Variants in PGBD2 observed in about 807,000 individuals in gnomAD.
PGBD2 encodes piggyBac transposable element derived 2.
Under a neutral mutation model 8.1 loss-of-function variants are expected in PGBD2, and 6 were observed. The observed-to-expected ratio is 0.74, with a 90% CI of 0.40 to 1.46. PGBD2 has a LOEUF of 1.46. Among genes scored for constraint, PGBD2 ranks in the 40% most tolerant of loss-of-function variants. The probability of loss-of-function intolerance (pLI) is 0.02; values close to 1 mark genes in which losing one functional copy is unlikely to be tolerated. For synonymous variants in PGBD2, 318 were observed against 272.2 expected, an observed-to-expected ratio of 1.17 and a Z score of -1.66; for missense variants, 802 against 739.0, an observed-to-expected ratio of 1.09 and a Z score of -0.99.
At chr1:248,878,791 C>T in the PGBD2 span, among the ~76,000 whole-genome samples, 2 of 152,184 alleles carry the variant, frequency 1.3e-5, no homozygotes, top group African/African-American at 4.8e-5. Flanking sequence ...TAGTACACTG[C>T]CCAATTTTCT....
At chr1:248,886,647 C>T in the PGBD2 span, among the ~76,000 whole-genome samples, 1 of 152,214 alleles carries the variant, frequency 6.6e-6, no homozygotes, top group South Asian at 2.1e-4. Context: ...TCATCCTGGA[C>T]TCTTGCCATT....
chr1:248,907,907 CA>C (rs1320354938), intron 1 of PGBD2, among the ~76,000 whole-genome samples: 1 of 152,186 alleles, frequency 6.6e-6, no homozygotes, highest in African/African-American at 2.4e-5. Flanking sequence ...CTTTTCCCTA[CA>C]GTTAGGCACC....
chr1:248,927,955 A>G, the PGBD2 span, among the ~76,000 whole-genome samples: 2 of 152,090 alleles, frequency 1.3e-5, no homozygotes, highest in Non-Finnish European at 2.9e-5. Flanking sequence ...AGGCTGGGAA[A>G]CTCACAGTTG....
intron 1 of PGBD2, among the ~76,000 whole-genome samples, chr1:248,909,424 T>C (rs1661783467): frequency 6.6e-6 from 1 of 152,184 alleles, no homozygotes; most frequent in African/African-American, 2.4e-5. Context: ...ATCAAGAGCT[T>C]CTGGTTCTTT....
rs1662227656 is a variant in PGBD2, at chr1:248,919,112, T to G, written c.*749T>G. On this transcript the variant is annotated 3_prime_UTR_variant, in exon 3 of 3. Transcript: ENST00000329291. ...AACAATCCAATTATACTGTTAGTTA[T>G]TTTAAAATGTGCAATTAAATTATTT... 6.0e-6 allele frequency: 1 copy of G among 167,054 alleles called. No individual in the cohort carries two copies. 10.3% of individuals were successfully genotyped at this position (167,054 alleles called of 1,614,324 possible).
Position 248,913,827 on chromosome 1 carries a change from C to T in PGBD2, c.-36C>T. 2 of 1,580,422 alleles carry T rather than the reference C, an allele frequency of 1.3e-6. No homozygotes were observed. Among genetic ancestry groups the T allele is most frequent in the Non-Finnish European group, 8.7e-7 (1 of 1,149,362 alleles). On this transcript the variant is annotated 5_prime_UTR_variant, in exon 2 of 3. Coordinates refer to ENST00000329291, the MANE Select transcript of PGBD2 (RefSeq NM_170725.3). ...TTCTTGTCTTACAGGTTCTTAGACTCTGTGAGTAAAGACAGCTTCATCTTC... is the reference window on the plus strand; with the variant it reads ...TTCTTGTCTTACAGGTTCTTAGACTTTGTGAGTAAAGACAGCTTCATCTTC...
intron 2 of PGBD2, among the ~76,000 whole-genome samples, chr1:248,914,749 C>G (rs1460353937): frequency 6.6e-6 from 1 of 152,180 alleles, no homozygotes; most frequent in African/African-American, 2.4e-5. Context: ...TCCTCACTAC[C>G]CTGTTCCATG....
At chr1:248,914,520 G>C (rs762114296) in intron 2 of PGBD2, 22 of 1,289,154 alleles carry the variant, frequency 1.7e-5, no homozygotes, top group Non-Finnish European at 2.0e-5. Flanking sequence ...AGGTTGGAGT[G>C]AATTTCTAAT....
the PGBD2 span, among the ~76,000 whole-genome samples, chr1:248,882,479 A>G: frequency 6.6e-6 from 1 of 152,230 alleles, no homozygotes; most frequent in South Asian, 2.1e-4. Context: ...TTGCAGGAAA[A>G]GCTGGTTACA....
chr1:248,881,052 C>G, the PGBD2 span, among the ~76,000 whole-genome samples: 2 of 152,136 alleles, frequency 1.3e-5, no homozygotes, highest in Non-Finnish European at 2.9e-5. Flanking sequence ...AGCAGTGAGC[C>G]AAAGCCATGG....
chr1:248,889,360 G>A, the PGBD2 span, among the ~76,000 whole-genome samples: 25 of 152,216 alleles, frequency 1.6e-4, no homozygotes, highest in African/African-American at 6.0e-4. Flanking sequence ...ACTCCAGCCT[G>A]GGTGACGGAG....
At chr1:248,895,520 ATCTTAATGATATT>A in the PGBD2 span, among the ~76,000 whole-genome samples, 2 of 152,092 alleles carry the variant, frequency 1.3e-5, no homozygotes, top group African/African-American at 4.8e-5. Context: ...GGAATTAAAT[ATCTTAATGATATT>A]TAAGGCTTGC....
At chr1:248,878,631 A>G in the PGBD2 span, among the ~76,000 whole-genome samples, 107 of 152,310 alleles carry the variant, frequency 7.0e-4, 2 homozygotes, top group African/African-American at 2.5e-3. Flanking sequence ...TCTTTTCGGT[A>G]GTCCATTTAA....
chr1:248,926,190 G>T, the PGBD2 span, among the ~76,000 whole-genome samples: 1 of 152,004 alleles, frequency 6.6e-6, no homozygotes, highest in East Asian at 1.9e-4. Flanking sequence ...TTCTACCCCA[G>T]GTCAGAGTGT....
chr1:248,882,820 C>A, the PGBD2 span, among the ~76,000 whole-genome samples: 482 of 152,312 alleles, frequency 3.2e-3, 1 homozygote, highest in Non-Finnish European at 5.5e-3. Flanking sequence ...GGCAGTCCAA[C>A]CTGGCATTGT....
downstream of PGBD2, chr1:248,919,207 A>G (rs1253996448): frequency 6.0e-6 from 1 of 166,904 alleles, no homozygotes; most frequent in Non-Finnish European, 1.5e-5. Flanking sequence ...TTTCATACCC[A>G]TTAACTATTC....
the PGBD2 span, among the ~76,000 whole-genome samples, chr1:248,883,591 T>C: frequency 8.1e-5 from 11 of 135,898 alleles, no homozygotes; most frequent in South Asian, 7.2e-4. Flanking sequence ...TTTCTTTTTT[T>C]TTTTTTTTTT....
the PGBD2 span, among the ~76,000 whole-genome samples, chr1:248,891,532 T>C: frequency 6.6e-6 from 1 of 152,210 alleles, no homozygotes; most frequent in Non-Finnish European, 1.5e-5. Flanking sequence ...TAAAGTACTT[T>C]TAAGAAATAT....
the PGBD2 span, among the ~76,000 whole-genome samples, chr1:248,892,586 A>T: frequency 4.6e-5 from 7 of 152,182 alleles, no homozygotes; most frequent in African/African-American, 1.7e-4. Context: ...ATTCTATGTG[A>T]TTCAATCTCT....
Sources: allele counts gnomAD v4.1 joint callset (sites outside exome capture counted in the v4.1 genomes callset), GRCh38; gene constraint gnomAD v4.1.1; transcripts MANE v1.5; gene names NCBI Gene and HGNC (gene_info 2026-07-23, HGNC 2026-07-21).